Variants in PDSS2 observed in about 807,000 individuals in gnomAD.
PDSS2 encodes decaprenyl diphosphate synthase subunit 2, also known as all trans-polyprenyl-diphosphate synthase PDSS2.
Under a neutral mutation model 44.5 loss-of-function variants are expected in PDSS2, and 31 were observed. That is an observed-to-expected ratio of 0.70 (90% CI 0.52 to 0.94). The LOEUF (loss-of-function observed/expected upper bound fraction) is 0.94, where lower values mean the gene tolerates loss of function less well. Among genes scored for constraint, PDSS2 ranks in the 40% least tolerant of loss-of-function variants. PDSS2 has a pLI of 0.00. For synonymous variants in PDSS2, 157 were observed against 180.3 expected, an observed-to-expected ratio of 0.87 and a Z score of 1.03; for missense variants, 452 against 482.2, an observed-to-expected ratio of 0.94 and a Z score of 0.59.
At chr6:107,317,112 G>A (rs1309728325) in intron 2 of PDSS2, among the ~76,000 whole-genome samples, 1 of 152,172 alleles carries the variant, frequency 6.6e-6, no homozygotes, top group African/African-American at 2.4e-5. Context: ...CCTGCTGAGA[G>A]TGGAGACAGA....
chr6:107,302,853 A>AG lies in PDSS2; in HGVS notation c.432-28627_432-28626insC, dbSNP rs1341319874. 2.0e-5 allele frequency among the ~76,000 whole-genome samples: 3 copies of AG among 152,076 alleles called. No individual in the cohort carries two copies. In the East Asian group the frequency reaches 5.8e-4, roughly 29 times the overall value. Reference sequence around the variant, plus strand: ...GCTGTAAAAACTTACTACCAAAAAAAAAAAAAGAATTTAAAATATCTCAAT... The same window carrying AG: ...GCTGTAAAAACTTACTACCAAAAAAAGAAAAAAGAATTTAAAATATCTCAAT... On this transcript the variant is annotated intron_variant, in intron 2 of 7. Transcript: ENST00000369037.
At chr6:107,378,686 T>A (rs1779365541) in intron 1 of PDSS2, among the ~76,000 whole-genome samples, 1 of 152,142 alleles carries the variant, frequency 6.6e-6, no homozygotes, top group Non-Finnish European at 1.5e-5. Flanking sequence ...CTGAAGGGGC[T>A]GAGGCAGGAG....
At chr6:107,361,555 T>G (rs530693528) in intron 1 of PDSS2, among the ~76,000 whole-genome samples, 2 of 152,270 alleles carry the variant, frequency 1.3e-5, no homozygotes, top group East Asian at 3.9e-4. Flanking sequence ...TCATCCATAT[T>G]TTTACACAAT....
chr6:107,303,133 T>G (rs148864722), intron 2 of PDSS2, among the ~76,000 whole-genome samples: 2 of 152,270 alleles, frequency 1.3e-5, no homozygotes, highest in Non-Finnish European at 2.9e-5. Context: ...TTGTGCTGTG[T>G]CATTCCATCG....
chr6:107,242,707 T>C (rs1348806703), intron 4 of PDSS2, among the ~76,000 whole-genome samples: 1 of 152,132 alleles, frequency 6.6e-6, no homozygotes, highest in Non-Finnish European at 1.5e-5. Context: ...AGTTATTTTA[T>C]TTTTTGTAAA....
intron 1 of PDSS2, among the ~76,000 whole-genome samples, chr6:107,344,650 G>C (rs959609241): frequency 6.6e-6 from 1 of 152,180 alleles, no homozygotes; most frequent in Non-Finnish European, 1.5e-5. Context: ...GGAAGGAAGA[G>C]AGAAGAGAAA....
intron 4 of PDSS2, among the ~76,000 whole-genome samples, chr6:107,244,132 A>C (rs1774531546): frequency 6.6e-6 from 1 of 152,204 alleles, no homozygotes; most frequent in East Asian, 1.9e-4. Flanking sequence ...CCATCTCAAA[A>C]AAACAAACAA....
chr6:107,397,827 G>C (rs1210828412), intron 1 of PDSS2, among the ~76,000 whole-genome samples: 2 of 152,134 alleles, frequency 1.3e-5, no homozygotes, highest in African/African-American at 4.8e-5. Context: ...AATACCTAAT[G>C]ACTTTTTCTA....
chr6:107,301,956 G>C (rs1310077721), intron 2 of PDSS2, among the ~76,000 whole-genome samples: 1 of 148,000 alleles, frequency 6.8e-6, no homozygotes, highest in Non-Finnish European at 1.5e-5. Context: ...AGTTCAAGTA[G>C]GTAATGACTC....
At chr6:107,362,950 GAGAT>G (rs972788744) in intron 1 of PDSS2, among the ~76,000 whole-genome samples, 32 of 152,268 alleles carry the variant, frequency 2.1e-4, no homozygotes, top group African/African-American at 7.2e-4. Context: ...CAATAACTTG[GAGAT>G]AGATCAATAG....
intron 3 of PDSS2, among the ~76,000 whole-genome samples, chr6:107,265,477 A>G (rs533136553): frequency 2.6e-5 from 4 of 152,224 alleles, no homozygotes; most frequent in Non-Finnish European, 5.9e-5. Flanking sequence ...GTCACTGTGA[A>G]AAAACAGTGA....
chr6:107,206,696 A>T (rs1772988927), intron 6 of PDSS2, among the ~76,000 whole-genome samples: 1 of 152,106 alleles, frequency 6.6e-6, no homozygotes, highest in South Asian at 2.1e-4. Context: ...TTGCAAAAAA[A>T]CCTTCATAAT....
At chr6:107,369,365 C>T (rs1448029728) in intron 1 of PDSS2, among the ~76,000 whole-genome samples, 2 of 152,114 alleles carry the variant, frequency 1.3e-5, no homozygotes, top group Non-Finnish European at 2.9e-5. Context: ...TTGCAGTGAG[C>T]TGAGATTGCA....
At chr6:107,407,760 C>T (rs1299173341) in intron 1 of PDSS2, among the ~76,000 whole-genome samples, 2 of 152,142 alleles carry the variant, frequency 1.3e-5, no homozygotes, top group Non-Finnish European at 2.9e-5. Context: ...AGTGCAGTGC[C>T]ACGGTCTTGG....
At chr6:107,173,400 C>G (rs1418534733) in intron 7 of PDSS2, among the ~76,000 whole-genome samples, 1 of 151,180 alleles carries the variant, frequency 6.6e-6, no homozygotes, top group African/African-American at 2.4e-5. Flanking sequence ...ATGGTGAAAC[C>G]CTGTCTCTAC....
At chr6:107,264,263 A>T in intron 3 of PDSS2, 4 of 1,353,690 alleles carry the variant, frequency 3.0e-6, no homozygotes, top group Non-Finnish European at 2.9e-6. Flanking sequence ...ATATTTGTAC[A>T]AACAAAATAC....
intron 1 of PDSS2, among the ~76,000 whole-genome samples, chr6:107,346,706 A>G (rs1443035474): frequency 6.6e-6 from 1 of 152,204 alleles, no homozygotes; most frequent in Non-Finnish European, 1.5e-5. Flanking sequence ...ATGTTCCCCC[A>G]AACTGGAAAG....
chr6:107,203,803 A>G (rs1772873992), intron 6 of PDSS2, among the ~76,000 whole-genome samples: 1 of 152,130 alleles, frequency 6.6e-6, no homozygotes, highest in African/African-American at 2.4e-5. Flanking sequence ...CCCATTAAAC[A>G]GTCTCTCCCG....
At chr6:107,388,754 G>A (rs993330172) in intron 1 of PDSS2, among the ~76,000 whole-genome samples, 4 of 152,116 alleles carry the variant, frequency 2.6e-5, no homozygotes, top group African/African-American at 9.7e-5. Flanking sequence ...CACCGTGCTC[G>A]GCCATATGTG....
Sources: allele counts gnomAD v4.1 joint callset (sites outside exome capture counted in the v4.1 genomes callset), GRCh38; gene constraint gnomAD v4.1.1; transcripts MANE v1.5; gene names NCBI Gene and HGNC (gene_info 2026-07-23, HGNC 2026-07-21).